Variants in B3GALT1 observed in about 807,000 individuals in gnomAD.
B3GALT1 encodes the protein beta-1,3-galactosyltransferase 1, also known as UDP-Gal:betaGlcNAc beta 1,3-galactosyltransferase, polypeptide 1.
Under a neutral mutation model 23.2 loss-of-function variants are expected in B3GALT1, and 10 were observed. The observed-to-expected ratio is 0.43, with a 90% CI of 0.27 to 0.73. B3GALT1 has a LOEUF of 0.73. Ranked by LOEUF, B3GALT1 falls within the 30% of genes least tolerant of loss-of-function variation. The probability of loss-of-function intolerance (pLI) is 0.21; values close to 1 mark genes in which losing one functional copy is unlikely to be tolerated. For missense variants in B3GALT1, 299 were observed against 405.4 expected, an observed-to-expected ratio of 0.74 and a Z score of 2.25; for synonymous variants, 156 against 141.5, an observed-to-expected ratio of 1.10 and a Z score of -0.73.
intron 3 of B3GALT1, among the ~76,000 whole-genome samples, chr2:167,708,856 C>A (rs976253610): frequency 1.3e-5 from 2 of 152,100 alleles, no homozygotes; most frequent in Non-Finnish European, 2.9e-5. Flanking sequence ...AGATTTATTT[C>A]TAGAATAATA....
chr2:167,350,958 T>C (rs1343531845), intron 1 of B3GALT1, among the ~76,000 whole-genome samples: 1 of 152,182 alleles, frequency 6.6e-6, no homozygotes, highest in Non-Finnish European at 1.5e-5. Context: ...TGGCACTACC[T>C]GACCACCTGG....
At chr2:167,631,769 C>CTTTTTTTTTTTTTTTTTTTTTTT (rs558837779) in intron 2 of B3GALT1, among the ~76,000 whole-genome samples, 3 of 120,592 alleles carry the variant, frequency 2.5e-5, no homozygotes, top group Non-Finnish European at 3.4e-5. Context: ...CTTTTCTTTT[C>CTTTTTTTTTTTTTTTTTTTTTTT]TTTTTTTTTT....
intron 4 of B3GALT1, among the ~76,000 whole-genome samples, chr2:167,824,428 T>G (rs1689172674): frequency 6.6e-6 from 1 of 152,196 alleles, no homozygotes; most frequent in South Asian, 2.1e-4. Context: ...TACCCATAGC[T>G]TGAGTGGTGG....
intron 1 of B3GALT1, among the ~76,000 whole-genome samples, chr2:167,427,948 A>G (rs973333076): frequency 7.2e-5 from 11 of 152,204 alleles, no homozygotes; most frequent in African/African-American, 2.7e-4. Flanking sequence ...AGCAAGAAAT[A>G]TTTGCAAGCT....
chr2:167,321,191 A>G (rs1432083361), intron 1 of B3GALT1, among the ~76,000 whole-genome samples: 1 of 152,048 alleles, frequency 6.6e-6, no homozygotes, highest in African/African-American at 2.4e-5. Flanking sequence ...ATACTCATAA[A>G]ATTACAGAAA....
intron 4 of B3GALT1, among the ~76,000 whole-genome samples, chr2:167,858,128 A>G (rs1690032247): frequency 6.6e-6 from 1 of 152,142 alleles, no homozygotes; most frequent in African/African-American, 2.4e-5. Context: ...AATATCCTAA[A>G]GTTATATTTG....
At chr2:167,756,046 A>T (rs1200372885) in intron 3 of B3GALT1, among the ~76,000 whole-genome samples, 1 of 152,158 alleles carries the variant, frequency 6.6e-6, no homozygotes, top group East Asian at 1.9e-4. Context: ...AATGGGAGGC[A>T]GTGTAGCATA....
chr2:167,716,205 G>T, intron 3 of B3GALT1: 3 of 993,834 alleles, frequency 3.0e-6, no homozygotes, highest in Non-Finnish European at 4.4e-6. Flanking sequence ...GCTGCGGAGG[G>T]AGCTGGGGAA....
At chr2:167,540,842 G>A (rs1418198581) in intron 2 of B3GALT1, among the ~76,000 whole-genome samples, 1 of 152,108 alleles carries the variant, frequency 6.6e-6, no homozygotes, top group African/African-American at 2.4e-5. Context: ...AAATATAAAG[G>A]TGACTTCATT....
rs746113953 is a variant in B3GALT1, at chr2:167,870,024, T to C, written c.*4T>C. 7.6e-6 allele frequency: 12 copies of C among 1,583,582 alleles called. No homozygotes were observed. The highest frequency in any genetic ancestry group is 1.0e-5 in the Non-Finnish European group (12 of 1,162,024). On this transcript the variant is annotated 3_prime_UTR_variant, in exon 5 of 5. Transcript: ENST00000392690. ...CAAGAAACATCTCAGATGTTAGGAT[T>C]TTTACCAATGTAAATATGTTTCTTT...
chr2:167,744,485 T>G (rs1448250999), intron 3 of B3GALT1, among the ~76,000 whole-genome samples: 2 of 152,222 alleles, frequency 1.3e-5, no homozygotes, highest in African/African-American at 4.8e-5. Context: ...GCTTTTTGTC[T>G]TTAAGAATAC....
chr2:167,520,520 C>T (rs550163751), intron 2 of B3GALT1, among the ~76,000 whole-genome samples: 4 of 152,238 alleles, frequency 2.6e-5, no homozygotes, highest in African/African-American at 9.6e-5. Context: ...TTTCTCAAAA[C>T]ACTCATAATA....
At chr2:167,830,072 C>T (rs1008939907) in intron 4 of B3GALT1, among the ~76,000 whole-genome samples, 26 of 152,202 alleles carry the variant, frequency 1.7e-4, no homozygotes, top group Non-Finnish European at 3.2e-4. Context: ...CAAGCATTGA[C>T]ATTTGTGTGG....
chr2:167,432,179 A>ACT (rs1180251019), intron 1 of B3GALT1, among the ~76,000 whole-genome samples: 3 of 152,160 alleles, frequency 2.0e-5, no homozygotes, highest in African/African-American at 7.2e-5. Context: ...GGGACTCAGA[A>ACT]AAGTAAAGGA....
At chr2:167,780,436 A>T (rs1688227870) in intron 3 of B3GALT1, among the ~76,000 whole-genome samples, 2 of 152,214 alleles carry the variant, frequency 1.3e-5, no homozygotes, top group African/African-American at 4.8e-5. Context: ...CAAAGAGAAG[A>T]CAGCTATTAT....
At chr2:167,613,969 T>C (rs1381569146) in intron 2 of B3GALT1, among the ~76,000 whole-genome samples, 2 of 151,828 alleles carry the variant, frequency 1.3e-5, no homozygotes, top group Non-Finnish European at 2.9e-5. Flanking sequence ...ATTAATGTCA[T>C]GTTTATTAAA....
Position 167,567,274 on chromosome 2 carries a change from C to G in B3GALT1, c.-410+76997C>G, listed in dbSNP as rs969127142. Among the ~76,000 whole-genome samples the G allele has an allele frequency of 1.3e-5, 2 of 152,146 alleles. 1 individual carries two copies. The highest frequency in any genetic ancestry group is 1.3e-4 in the Admixed American group (2 of 15,268). ...AATTAATCTGCAAGAATGTAGATGA[C>G]AATACCTGATTATATTTCAGATAGT... is the stretch of plus-strand genomic sequence containing the variant. On this transcript the variant is annotated intron_variant, in intron 2 of 4. Coordinates refer to ENST00000392690, the MANE Select transcript of B3GALT1 (RefSeq NM_020981.4).
intron 2 of B3GALT1, among the ~76,000 whole-genome samples, chr2:167,548,088 C>G (rs1683674480): frequency 6.6e-6 from 1 of 152,188 alleles, no homozygotes; most frequent in African/African-American, 2.4e-5. Flanking sequence ...TCTGCTTTTA[C>G]TCATGATAGA....
intron 3 of B3GALT1, among the ~76,000 whole-genome samples, chr2:167,666,651 A>G (rs974033741): frequency 6.6e-6 from 1 of 152,122 alleles, no homozygotes; most frequent in Admixed American, 6.5e-5. Context: ...GGGTGCATAT[A>G]TATTTGGGAT....
Sources: gnomAD v4.1 joint callset for allele counts (sites outside exome capture counted in the v4.1 genomes callset) on GRCh38, gnomAD v4.1.1 for gene constraint, MANE v1.5 for transcripts, NCBI Gene and HGNC (gene_info 2026-07-23, HGNC 2026-07-21) for gene names.